The following PRKCQ variants were observed in gnomAD, a reference collection of about 807,000 sequenced individuals.
PRKCQ encodes the protein protein kinase C theta, also known as protein kinase C theta type.
PRKCQ carries 41 observed loss-of-function variants against 91.2 expected under a neutral mutation model. That is an observed-to-expected ratio of 0.45 (90% confidence interval 0.35 to 0.58). The LOEUF is 0.58. PRKCQ is among the 20% of genes least tolerant of loss of function. PRKCQ has a pLI of 0.00. For missense variants in PRKCQ, 673 were observed against 896.5 expected, an observed-to-expected ratio of 0.75 and a Z score of 3.18; for synonymous variants, 307 against 316.9, an observed-to-expected ratio of 0.97 and a Z score of 0.33.
the PRKCQ span, among the ~76,000 whole-genome samples, chr10:6,418,457 T>A: frequency 6.6e-6 from 1 of 152,068 alleles, no homozygotes; most frequent in Non-Finnish European, 1.5e-5. Flanking sequence ...GTTTCCATCC[T>A]TTCCTCCCCT....
At chr10:6,522,768 CCT>C (rs1213171862) in intron 1 of PRKCQ, among the ~76,000 whole-genome samples, 2 of 152,148 alleles carry the variant, frequency 1.3e-5, no homozygotes, top group African/African-American at 4.8e-5. Context: ...TGTATCAAAA[CCT>C]CTCACATGTG....
Position 6,462,316 on chromosome 10 carries a change from C to T in PRKCQ, c.1495G>A (p.Gly499Arg). 1 of 1,613,814 alleles carries T rather than the reference C, an allele frequency of 6.2e-7. No individual in the cohort carries two copies. The highest frequency in any genetic ancestry group is 8.5e-7 in the Non-Finnish European group (1 of 1,179,804). The change falls in exon 14 of 18, where the codon GGA becomes AGA. Residue 499 changes from glycine (G) to arginine (R), a missense_variant. Coordinates refer to ENST00000263125, the MANE Select transcript of PRKCQ (RefSeq NM_006257.5). ...ILGLQFLHSK[G>R]IVYRDLKLDN... is the part of the protein sequence containing the mutation. ...AGCAAAATTTACCTGTAGACTATTC[C>T]TTTGGAATGAAGGAACTGCAGACCA... is the stretch of plus-strand genomic sequence containing the variant.
At chr10:6,500,436 T>A (rs1837842868) in intron 4 of PRKCQ, among the ~76,000 whole-genome samples, 1 of 151,180 alleles carries the variant, frequency 6.6e-6, no homozygotes, top group African/African-American at 2.4e-5. Context: ...TATACATATA[T>A]GTCTACATAT....
intron 1 of PRKCQ, among the ~76,000 whole-genome samples, chr10:6,545,480 G>A (rs1281483385): frequency 6.6e-6 from 1 of 152,192 alleles, no homozygotes; most frequent in Non-Finnish European, 1.5e-5. Flanking sequence ...GGTGAAAGAA[G>A]CCAGACACCA....
rs771455839 is a variant in PRKCQ at position 6,491,813 on chromosome 10, C to A, written c.661-1G>T. The A allele has an allele frequency of 6.2e-7, 1 of 1,614,164 alleles. No individual in the cohort carries two copies. Among genetic ancestry groups the A allele is most frequent in the Non-Finnish European group, 8.5e-7 (1 of 1,180,018 alleles). ...CAATTTTGAATCTCTCCTTGTGGAA[C>A]TGAAAGAAAGGCAGAAGGTGAAATC... On this transcript the variant is annotated splice_acceptor_variant, in intron 7 of 17. Coordinates refer to ENST00000263125, the MANE Select transcript of PRKCQ (RefSeq NM_006257.5). LOFTEE classifies it high-confidence loss of function.
At chr10:6,558,068 AC>A (rs1256331489) in intron 1 of PRKCQ, among the ~76,000 whole-genome samples, 1 of 152,020 alleles carries the variant, frequency 6.6e-6, no homozygotes, top group Non-Finnish European at 1.5e-5. Context: ...CCACCCCTAC[AC>A]GGGCCATGTG....
intron 16 of PRKCQ, among the ~76,000 whole-genome samples, chr10:6,436,303 T>C (rs1479197076): frequency 6.6e-6 from 1 of 152,196 alleles, no homozygotes; most frequent in Non-Finnish European, 1.5e-5. Flanking sequence ...AGATTTAGTT[T>C]TGTTTTTAAA....
At chr10:6,470,316 A>T (rs1057324537) in intron 12 of PRKCQ, among the ~76,000 whole-genome samples, 2 of 152,080 alleles carry the variant, frequency 1.3e-5, no homozygotes, top group African/African-American at 4.8e-5. Context: ...CTACTTTGTA[A>T]AAGAGGGCTT....
intron 12 of PRKCQ, among the ~76,000 whole-genome samples, chr10:6,473,243 A>G (rs761741213): frequency 1.3e-5 from 2 of 152,160 alleles, no homozygotes; most frequent in African/African-American, 4.8e-5. Flanking sequence ...GTCTCTCCCT[A>G]TGGAAACCCT....
chr10:6,444,234 A>G (rs1007155317), intron 15 of PRKCQ, among the ~76,000 whole-genome samples: 8 of 151,976 alleles, frequency 5.3e-5, no homozygotes, highest in Non-Finnish European at 8.8e-5. Flanking sequence ...CCATGCCCAG[A>G]TAATTTTTGT....
intron 11 of PRKCQ, among the ~76,000 whole-genome samples, chr10:6,480,923 A>G (rs924017209): frequency 6.6e-6 from 1 of 152,188 alleles, no homozygotes; most frequent in Non-Finnish European, 1.5e-5. Flanking sequence ...GAGAACACAC[A>G]ATTTGTTTTC....
At chr10:6,425,932 C>CTGT (rs1022172582), downstream of PRKCQ, among the ~76,000 whole-genome samples, 5 of 152,054 alleles carry the variant, frequency 3.3e-5, no homozygotes, top group African/African-American at 1.2e-4. Context: ...GGTAGGGGTC[C>CTGT]TGTTGGGGTC....
At chr10:6,523,755 C>CATGTA (rs1839103009) in intron 1 of PRKCQ, among the ~76,000 whole-genome samples, 1 of 152,158 alleles carries the variant, frequency 6.6e-6, no homozygotes, top group Admixed American at 6.5e-5. Flanking sequence ...AATAGATAGT[C>CATGTA]CCACTAAGGC....
rs532887109 is a variant in PRKCQ at position 6,458,710 on chromosome 10, T to C, written c.1509-1898A>G. ...ATCCAAGGAACAGGGACCATGACAC[T>C]TGCCTTGCTTGTCTCATGGGGTCCT... On this transcript the variant is annotated intron_variant, in intron 14 of 17. Coordinates refer to ENST00000263125, the MANE Select transcript of PRKCQ (RefSeq NM_006257.5). Among the ~76,000 whole-genome samples, 37 of 152,294 alleles carry C rather than the reference T, an allele frequency of 2.4e-4. 1 individual carries two copies. In the South Asian group the frequency reaches 7.7e-3, roughly 32 times the overall value.
At chr10:6,577,862 T>A (rs1841302990) in intron 1 of PRKCQ, among the ~76,000 whole-genome samples, 2 of 152,226 alleles carry the variant, frequency 1.3e-5, no homozygotes, top group Admixed American at 6.5e-5. Flanking sequence ...AGGAGATTTG[T>A]CTGTGTAGGT....
At chr10:6,440,759 C>T (rs1437451630) in intron 16 of PRKCQ, among the ~76,000 whole-genome samples, 3 of 152,104 alleles carry the variant, frequency 2.0e-5, no homozygotes, top group Admixed American at 6.5e-5. Context: ...GAGGCCGAGG[C>T]GGGCAGATCC....
intron 12 of PRKCQ, among the ~76,000 whole-genome samples, chr10:6,467,357 CAGAG>C (rs1564324163): frequency 3.0e-4 from 20 of 67,044 alleles, no homozygotes; most frequent in East Asian, 1.6e-3. Context: ...GAGAGAGAGA[CAGAG>C]AGAGAGAGAG....
intron 1 of PRKCQ, among the ~76,000 whole-genome samples, chr10:6,539,493 T>C (rs1839701615): frequency 6.6e-6 from 1 of 151,858 alleles, no homozygotes; most frequent in African/African-American, 2.4e-5. Flanking sequence ...ATCTAATGCC[T>C]GAGGACCTGT....
chr10:6,527,818 C>T (rs1300745797), intron 1 of PRKCQ, among the ~76,000 whole-genome samples: 2 of 152,186 alleles, frequency 1.3e-5, no homozygotes, highest in Non-Finnish European at 2.9e-5. Flanking sequence ...GATCCACATT[C>T]CCCTACAAAA....
Sources: allele counts gnomAD v4.1 joint callset (sites outside exome capture counted in the v4.1 genomes callset), GRCh38; gene constraint gnomAD v4.1.1; transcripts MANE v1.5; gene names NCBI Gene and HGNC (gene_info 2026-07-23, HGNC 2026-07-21).